The following DCAF8 variants were observed in gnomAD, a reference collection of about 807,000 sequenced individuals.
The protein encoded by DCAF8 is DDB1 and CUL4 associated factor 8.
DCAF8 carries 20 observed loss-of-function variants against 68.0 expected under a neutral mutation model. That is an observed-to-expected ratio of 0.29 (90% CI 0.21 to 0.43). The LOEUF is 0.43. Ranked by LOEUF, DCAF8 falls within the 20% of genes least tolerant of loss-of-function variation. The pLI is 1.00. For missense variants in DCAF8, 460 were observed against 771.0 expected (o/e 0.60, Z 4.78); for synonymous variants, 230 against 276.9 (o/e 0.83, Z 1.68).
chr1:160,253,684 G>C (rs1000192996), intron 2 of DCAF8, among the ~76,000 whole-genome samples: 2 of 147,546 alleles, frequency 1.4e-5, no homozygotes, highest in African/African-American at 2.5e-5. Context: ...AAAATAGCAG[G>C]GTGTGGTGGT....
chr1:160,226,034 G>C (rs1655461845), intron 7 of DCAF8, among the ~76,000 whole-genome samples: 1 of 152,160 alleles, frequency 6.6e-6, no homozygotes, highest in Non-Finnish European at 1.5e-5. Flanking sequence ...AGTAGAGACA[G>C]AGTTTCATCT....
intron 3 of DCAF8, among the ~76,000 whole-genome samples, chr1:160,242,349 A>G (rs1273704633): frequency 5.3e-5 from 8 of 152,130 alleles, no homozygotes; most frequent in African/African-American, 1.9e-4. Context: ...CAAGGACCAC[A>G]TTTGCTGAGC....
At chr1:160,248,069 G>T (rs1473435426) in intron 2 of DCAF8, among the ~76,000 whole-genome samples, 1 of 152,138 alleles carries the variant, frequency 6.6e-6, no homozygotes, top group Non-Finnish European at 1.5e-5. Flanking sequence ...ACTTTGGGAG[G>T]CCAAGGCGGG....
At chr1:160,244,067 T>C in intron 2 of DCAF8, 33 bp from the exon 3 acceptor site, 1 of 1,509,452 alleles carries the variant, frequency 6.6e-7, no homozygotes, top group East Asian at 2.3e-5. Context: ...CCAAAACAAT[T>C]AGGAAACCAC....
chr1:160,235,255 T>G (rs948353395), intron 6 of DCAF8, among the ~76,000 whole-genome samples: 1 of 151,900 alleles, frequency 6.6e-6, no homozygotes, highest in Admixed American at 6.6e-5. Context: ...TGTCTCAGCC[T>G]CCTGAGTAGC....
chr1:160,232,872 A>C (rs2101731126), intron 6 of DCAF8, among the ~76,000 whole-genome samples: 1 of 152,256 alleles, frequency 6.6e-6, no homozygotes, highest in South Asian at 2.1e-4. Context: ...AAAACTGATA[A>C]ATTTTTCACT....
intron 2 of DCAF8, among the ~76,000 whole-genome samples, chr1:160,251,817 T>C (rs1388518700): frequency 6.6e-6 from 1 of 152,172 alleles, no homozygotes; most frequent in Non-Finnish European, 1.5e-5. Context: ...ACTCAAAGGA[T>C]GACCCCAAAG....
chr1:160,237,293 T>C, intron 5 of DCAF8, 64 bp from the exon 6 acceptor site: 1 of 1,141,154 alleles, frequency 8.8e-7, no homozygotes, highest in Non-Finnish European at 1.3e-6. Flanking sequence ...ATCTAGTTCA[T>C]TCCTATAACT....
intron 2 of DCAF8, among the ~76,000 whole-genome samples, chr1:160,250,586 T>C (rs922088457): frequency 3.9e-5 from 6 of 152,068 alleles, no homozygotes; most frequent in Non-Finnish European, 8.8e-5. Flanking sequence ...TAATAGAAGT[T>C]GACAAAAATG....
At chr1:160,249,792 A>G (rs565199654) in intron 2 of DCAF8, among the ~76,000 whole-genome samples, 1 of 152,352 alleles carries the variant, frequency 6.6e-6, no homozygotes, top group African/African-American at 2.4e-5. Flanking sequence ...GGTCCACACA[A>G]TGGGATACTA....
intron 2 of DCAF8, among the ~76,000 whole-genome samples, chr1:160,259,205 T>C (rs568989439): frequency 2.0e-5 from 3 of 152,306 alleles, no homozygotes; most frequent in African/African-American, 7.2e-5. Context: ...ATCTGTGCTG[T>C]CATATTATTA....
chr1:160,222,820 G>A, intron 10 of DCAF8, 39 bp from the exon 11 acceptor site: 1 of 1,613,620 alleles, frequency 6.2e-7, no homozygotes, highest in Non-Finnish European at 8.5e-7. Flanking sequence ...CATGAGGGTT[G>A]GCATCAGGCC....
At chr1:160,252,440 C>A (rs757966617) in intron 2 of DCAF8, among the ~76,000 whole-genome samples, 16 of 152,112 alleles carry the variant, frequency 1.1e-4, no homozygotes, top group Non-Finnish European at 2.2e-4. Flanking sequence ...AGACATTCCA[C>A]AGGACCAGAG....
chr1:160,245,030 A>T (rs1443541809), intron 2 of DCAF8, among the ~76,000 whole-genome samples: 21 of 152,226 alleles, frequency 1.4e-4, no homozygotes. Context: ...TAGGACTAAC[A>T]GTCAGAGTCT....
chr1:160,233,910 A>G (rs1655780279), intron 6 of DCAF8, among the ~76,000 whole-genome samples: 1 of 152,212 alleles, frequency 6.6e-6, no homozygotes, highest in Non-Finnish European at 1.5e-5. Context: ...TGTTCACATT[A>G]GAGGAAACAT....
chr1:160,234,081 C>CT (rs1378420223), intron 6 of DCAF8, among the ~76,000 whole-genome samples: 2 of 152,126 alleles, frequency 1.3e-5, no homozygotes. Context: ...TCAAATCAAA[C>CT]TTTTTTCCTA....
intron 7 of DCAF8, among the ~76,000 whole-genome samples, chr1:160,228,772 AG>A (rs1443819320): frequency 6.6e-6 from 1 of 152,224 alleles, no homozygotes; most frequent in African/African-American, 2.4e-5. Flanking sequence ...CCTTTAGGCT[AG>A]GAGTGAAAGT....
chr1:160,258,414 C>T (rs1656924382), intron 2 of DCAF8, among the ~76,000 whole-genome samples: 1 of 152,034 alleles, frequency 6.6e-6, no homozygotes, highest in African/African-American at 2.4e-5. Flanking sequence ...TTCTTAGCCT[C>T]CCACTCTAAT....
intron 6 of DCAF8, among the ~76,000 whole-genome samples, chr1:160,233,318 G>A (rs1239293158): frequency 6.6e-6 from 1 of 152,170 alleles, no homozygotes; most frequent in African/African-American, 2.4e-5. Context: ...GGAGACTGAG[G>A]TGGGAGGATC....
Sources: gnomAD v4.1 joint callset for allele counts (sites outside exome capture counted in the v4.1 genomes callset) on GRCh38, gnomAD v4.1.1 for gene constraint, MANE v1.5 for transcripts, NCBI Gene and HGNC (gene_info 2026-07-23, HGNC 2026-07-21) for gene names.